VAV3: variants seen among roughly 807,000 people sequenced by gnomAD.
VAV3 encodes the protein vav guanine nucleotide exchange factor 3, also known as guanine nucleotide exchange factor VAV3.
A neutral mutation model predicts 131.2 loss-of-function variants in VAV3; 94 were observed. That is an observed-to-expected ratio of 0.72 (90% confidence interval 0.61 to 0.85). The LOEUF (loss-of-function observed/expected upper bound fraction) is 0.85. Ranked by LOEUF, VAV3 falls within the 40% of genes least tolerant of loss-of-function variation. The pLI is 0.00. For missense variants in VAV3, 939 were observed against 1,002.7 expected, an observed-to-expected ratio of 0.94 and a Z score of 0.86; for synonymous variants, 349 against 342.0, an observed-to-expected ratio of 1.02 and a Z score of -0.22.
At chr1:107,692,520 G>A (rs145955870) in intron 17 of VAV3, among the ~76,000 whole-genome samples, 97 of 152,206 alleles carry the variant, frequency 6.4e-4, no homozygotes, top group African/African-American at 2.0e-3. Context: ...TTCAGCTCAC[G>A]TAAAAGTACT....
chr1:107,747,917 C>T (rs911657428), intron 15 of VAV3, among the ~76,000 whole-genome samples: 42 of 152,128 alleles, frequency 2.8e-4, no homozygotes, highest in Non-Finnish European at 5.3e-4. Context: ...CTCTAGTTTA[C>T]ATTAACACGA....
intron 15 of VAV3, 107 bp from the exon 16 acceptor site, chr1:107,705,168 T>C (rs1362502171): frequency 1.2e-6 from 1 of 866,910 alleles, no homozygotes; most frequent in Non-Finnish European, 1.8e-6. Flanking sequence ...AGAGATCTGA[T>C]TCAAGCAAAA....
chr1:107,864,411 C>CAA (rs1360925334), intron 2 of VAV3, among the ~76,000 whole-genome samples: 1 of 152,066 alleles, frequency 6.6e-6, no homozygotes, highest in Admixed American at 6.5e-5. Context: ...CACTTGAGCT[C>CAA]AAGAGTTTGA....
chr1:107,654,911 A>G (rs1656429798), intron 19 of VAV3, among the ~76,000 whole-genome samples: 1 of 152,120 alleles, frequency 6.6e-6, no homozygotes, highest in Admixed American at 6.5e-5. Context: ...TACAACAATA[A>G]AAATGTAAAC....
chr1:107,646,753 C>T (rs1391361136), intron 19 of VAV3, among the ~76,000 whole-genome samples: 1 of 151,960 alleles, frequency 6.6e-6, no homozygotes, highest in Non-Finnish European at 1.5e-5. Context: ...GAGGAATTAA[C>T]AAACAAATTA....
chr1:107,900,905 T>C (rs148520478), intron 1 of VAV3, among the ~76,000 whole-genome samples: 6 of 152,280 alleles, frequency 3.9e-5, no homozygotes, highest in Non-Finnish European at 8.8e-5. Flanking sequence ...ACTCACTCAG[T>C]CTTCAGTTGT....
intron 15 of VAV3, among the ~76,000 whole-genome samples, chr1:107,745,395 C>CG (rs913741389): frequency 5.3e-5 from 8 of 151,010 alleles, no homozygotes; most frequent in Non-Finnish European, 7.4e-5. Context: ...AAAAAAAAAG[C>CG]GGGGGGGAAT....
intron 25 of VAV3, among the ~76,000 whole-genome samples, chr1:107,592,029 CTA>C (rs1181063938): frequency 6.6e-6 from 1 of 151,312 alleles, no homozygotes; most frequent in Non-Finnish European, 1.5e-5. Context: ...AAATATGTTA[CTA>C]TACACACACA....
At chr1:107,576,503 G>C in intron 25 of VAV3, 1 of 1,488,694 alleles carries the variant, frequency 6.7e-7, no homozygotes, top group Non-Finnish European at 8.9e-7. Flanking sequence ...AAAGAGAGAA[G>C]CAAAAGAGCA....
intron 19 of VAV3, among the ~76,000 whole-genome samples, chr1:107,677,448 A>C (rs1013044454): frequency 5.9e-5 from 9 of 152,146 alleles, no homozygotes; most frequent in African/African-American, 1.9e-4. Flanking sequence ...TCTACTTAGC[A>C]TTACAATGGC....
intron 11 of VAV3, among the ~76,000 whole-genome samples, chr1:107,756,390 A>C (rs1664100329): frequency 6.6e-6 from 1 of 152,122 alleles, no homozygotes; most frequent in African/African-American, 2.4e-5. Flanking sequence ...CATAGGATAG[A>C]TCCATAAACG....
At position 107,638,500 on chromosome 1, in the gene VAV3, G is replaced by A. The variant is rs139819311; in HGVS notation, c.1914+4119C>T. Among the ~76,000 whole-genome samples the A allele has an allele frequency of 5.9e-5, 9 of 152,202 alleles. No individual in the cohort carries two copies. In the South Asian group the frequency reaches 1.2e-3, roughly 21 times the overall value. ...AAAAGATGTATATGACCTTAACTCTGAAAACTGCAAAACACTTCTGAGAAT... is the reference window on the plus strand; with the variant it reads ...AAAAGATGTATATGACCTTAACTCTAAAAACTGCAAAACACTTCTGAGAAT... On this transcript the variant is annotated intron_variant, in intron 20 of 26. Transcript: ENST00000370056.
At chr1:107,693,838 A>C (rs574087076) in intron 17 of VAV3, among the ~76,000 whole-genome samples, 1 of 152,192 alleles carries the variant, frequency 6.6e-6, no homozygotes, top group Non-Finnish European at 1.5e-5. Context: ...CAAATAGTCC[A>C]TGTGTTTCAT....
At chr1:107,849,366 G>C (rs1669119633) in intron 2 of VAV3, among the ~76,000 whole-genome samples, 2 of 152,078 alleles carry the variant, frequency 1.3e-5, no homozygotes, top group Non-Finnish European at 2.9e-5. Flanking sequence ...GCATGGTACT[G>C]ATACCAAAAC....
chr1:107,768,411 C>T (rs1438592937), intron 7 of VAV3, 30 bp downstream of exon 7: 1 of 1,569,236 alleles, frequency 6.4e-7, no homozygotes. Context: ...TGAAGTACAC[C>T]ACAATTTTAG....
chr1:107,753,912 A>G (rs1312091928), intron 12 of VAV3, among the ~76,000 whole-genome samples: 2 of 152,088 alleles, frequency 1.3e-5, no homozygotes, highest in Non-Finnish European at 1.5e-5. Context: ...GCTGTCCAAG[A>G]AATATGCTAT....
intron 1 of VAV3, among the ~76,000 whole-genome samples, chr1:107,927,766 T>C (rs1178078884): frequency 6.6e-6 from 1 of 152,084 alleles, no homozygotes; most frequent in Non-Finnish European, 1.5e-5. Context: ...CACAGTACAA[T>C]AGAACACAGG....
chr1:107,732,312 G>A (rs1662295796), intron 15 of VAV3, among the ~76,000 whole-genome samples: 1 of 152,228 alleles, frequency 6.6e-6, no homozygotes, highest in South Asian at 2.1e-4. Context: ...GAAGACGGGT[G>A]ATTTCTGCAT....
intron 17 of VAV3, among the ~76,000 whole-genome samples, chr1:107,702,492 C>T (rs562039008): frequency 6.6e-6 from 1 of 152,098 alleles, no homozygotes; most frequent in Non-Finnish European, 1.5e-5. Flanking sequence ...AGGATTCAAA[C>T]AGACCAAGAC....
Sources: allele counts gnomAD v4.1 joint callset (sites outside exome capture counted in the v4.1 genomes callset), GRCh38; gene constraint gnomAD v4.1.1; transcripts MANE v1.5; gene names NCBI Gene and HGNC (gene_info 2026-07-23, HGNC 2026-07-21).